The following EIF4G3 variants were observed in gnomAD, a reference collection of about 807,000 sequenced individuals.
EIF4G3 encodes eIF-4-gamma 3.
In EIF4G3, 34 loss-of-function variants were observed where a neutral mutation model predicts 186.4. The ratio of observed to expected loss-of-function variants is 0.18; its 90% CI spans 0.14 to 0.24. The LOEUF is 0.24. Ranked by LOEUF, EIF4G3 falls within the 10% of genes least tolerant of loss-of-function variation. EIF4G3 has a pLI of 1.00. For missense variants in EIF4G3, 1,536 were observed against 1,948.5 expected (o/e 0.79, Z 3.99); for synonymous variants, 673 against 679.5 (o/e 0.99, Z 0.15).
intron 17 of EIF4G3, among the ~76,000 whole-genome samples, chr1:20,893,942 A>G (rs1218708476): frequency 1.3e-5 from 2 of 150,136 alleles, no homozygotes; most frequent in African/African-American, 4.9e-5. Flanking sequence ...ACAAGACAAG[A>G]TATTTTGAGA....
At chr1:21,168,402 T>C (rs1465514082) in intron 2 of EIF4G3, among the ~76,000 whole-genome samples, 1 of 149,416 alleles carries the variant, frequency 6.7e-6, no homozygotes, top group Non-Finnish European at 1.5e-5. Context: ...AGGCTCCGTC[T>C]CAATTTTTTA....
chr1:21,075,562 C>A, intron 3 of EIF4G3, among the ~76,000 whole-genome samples: 1 of 89,482 alleles, frequency 1.1e-5, no homozygotes, highest in Admixed American at 1.8e-4. Flanking sequence ...GAGTGAGACT[C>A]CAACTCACAA....
rs1487138371 is a variant in EIF4G3, at chr1:20,984,100, TA to T, written c.178-1693del. Among the ~76,000 whole-genome samples, 8 of 152,314 alleles carry T rather than the reference TA, an allele frequency of 5.3e-5. No individual in the cohort carries two copies. The East Asian group carries it at 1.3e-3, about 26-fold the overall frequency. ...AAAACAGTGTTTCTAATGATATTCC[TA>T]ATATTAACATATAGCTGAACCAAAA... On this transcript the variant is annotated intron_variant, in intron 7 of 36. Coordinates refer to ENST00000602326, the MANE Select transcript of EIF4G3 (RefSeq NM_001391906.1).
chr1:21,170,123 T>G lies in EIF4G3; in HGVS notation c.-272+6052A>C, dbSNP rs569113421. On this transcript the variant is annotated intron_variant, in intron 2 of 36. Transcript: ENST00000602326. ...CCAGGAGGCGGAGGTTGAAGTGAACTGAGATTGTGCCACTAGCACTCCAGC... is the reference window on the plus strand; with the variant it reads ...CCAGGAGGCGGAGGTTGAAGTGAACGGAGATTGTGCCACTAGCACTCCAGC... 1.2e-3 allele frequency among the ~76,000 whole-genome samples: 189 copies of G among 151,972 alleles called. 1 individual carries two copies. The highest frequency in any genetic ancestry group is 4.3e-3 in the African/African-American group (179 of 41,466).
chr1:20,913,552 C>A (rs1403059022), intron 14 of EIF4G3, among the ~76,000 whole-genome samples: 1 of 152,116 alleles, frequency 6.6e-6, no homozygotes, highest in Non-Finnish European at 1.5e-5. Context: ...AGCCAGATAT[C>A]TATAACACAA....
At chr1:20,981,655 A>G (rs1304218443) in intron 8 of EIF4G3, among the ~76,000 whole-genome samples, 2 of 131,144 alleles carry the variant, frequency 1.5e-5, no homozygotes, top group African/African-American at 5.7e-5. Context: ...ATGTATACAT[A>G]CATGTATACG....
At chr1:21,120,553 G>A (rs2096908229) in intron 2 of EIF4G3, among the ~76,000 whole-genome samples, 1 of 149,424 alleles carries the variant, frequency 6.7e-6, no homozygotes, top group African/African-American at 2.5e-5. Context: ...TTGAACCCAG[G>A]AGGCAGAGGC....
At chr1:21,121,548 G>C (rs1453444777) in intron 2 of EIF4G3, among the ~76,000 whole-genome samples, 1 of 152,114 alleles carries the variant, frequency 6.6e-6, no homozygotes, top group East Asian at 1.9e-4. Context: ...GCCAAGGCGG[G>C]CAGATCACAT....
At chr1:20,840,789 T>C in intron 30 of EIF4G3, 67 bp downstream of exon 30, 1 of 1,452,198 alleles carries the variant, frequency 6.9e-7, no homozygotes, top group Non-Finnish European at 9.5e-7. Flanking sequence ...AAGAGGTAAG[T>C]ACTTTGAAAA....
chr1:21,098,621 C>T (rs1252001800), intron 2 of EIF4G3, among the ~76,000 whole-genome samples: 2 of 150,194 alleles, frequency 1.3e-5, no homozygotes, highest in Non-Finnish European at 3.0e-5. Flanking sequence ...AACAAACAAC[C>T]TAATATTTTT....
At chr1:21,157,177 T>C (rs2097677153) in intron 2 of EIF4G3, among the ~76,000 whole-genome samples, 1 of 152,148 alleles carries the variant, frequency 6.6e-6, no homozygotes, top group East Asian at 1.9e-4. Flanking sequence ...GACTACCCCA[T>C]ATACACCATA....
At chr1:20,842,564 T>C (rs1306127260) in intron 29 of EIF4G3, among the ~76,000 whole-genome samples, 1 of 152,086 alleles carries the variant, frequency 6.6e-6, no homozygotes, top group Non-Finnish European at 1.5e-5. Flanking sequence ...ACAAGGTTTC[T>C]TCATGCTGGC....
chr1:21,171,153 C>T (rs540534275), intron 2 of EIF4G3, among the ~76,000 whole-genome samples: 10 of 152,206 alleles, frequency 6.6e-5, no homozygotes, highest in Non-Finnish European at 1.2e-4. Context: ...CGCTTGGGAT[C>T]CTGCAATATC....
intron 23 of EIF4G3, 62 bp downstream of exon 23, chr1:20,862,166 C>G: frequency 9.8e-7 from 1 of 1,016,530 alleles, no homozygotes; most frequent in South Asian, 1.6e-5. Flanking sequence ...CATCCTTCCC[C>G]AACCCAATTC....
chr1:21,026,425 A>G (rs2092095764), intron 4 of EIF4G3, among the ~76,000 whole-genome samples: 1 of 152,146 alleles, frequency 6.6e-6, no homozygotes, highest in Non-Finnish European at 1.5e-5. Context: ...TGTAAGAGCT[A>G]AAAGTAAAAA....
chr1:20,859,201 C>T (rs1476233307), intron 24 of EIF4G3, among the ~76,000 whole-genome samples: 2 of 152,174 alleles, frequency 1.3e-5, no homozygotes, highest in Admixed American at 6.5e-5. Context: ...TCCAAGAGTT[C>T]TTTTCTTCCT....
intron 30 of EIF4G3, among the ~76,000 whole-genome samples, chr1:20,839,359 C>T (rs140058110): frequency 0.023 from 3,442 of 152,236 alleles, 73 homozygotes; most frequent in Non-Finnish European, 0.031. Context: ...GATCTGCCCA[C>T]CTCGGCCTCC....
chr1:20,821,850 A>C, intron 33 of EIF4G3, among the ~76,000 whole-genome samples: 1 of 149,806 alleles, frequency 6.7e-6, no homozygotes, highest in Non-Finnish European at 1.5e-5. Flanking sequence ...AACCCACCTT[A>C]CATTTCTAGG....
At chr1:20,851,118 A>C in intron 28 of EIF4G3, 140 bp downstream of exon 28, 18 of 713,630 alleles carry the variant, frequency 2.5e-5, no homozygotes, top group Non-Finnish European at 3.9e-5. Context: ...AAAACTATGA[A>C]GTACCCTTTA....
Sources: gnomAD v4.1 joint callset for allele counts (sites outside exome capture counted in the v4.1 genomes callset) on GRCh38, gnomAD v4.1.1 for gene constraint, MANE v1.5 for transcripts, NCBI Gene and HGNC (gene_info 2026-07-23, HGNC 2026-07-21) for gene names.